The following GABBR2 variants were observed in gnomAD, a reference collection of about 807,000 sequenced individuals.
The protein encoded by GABBR2 is G-protein coupled receptor 51.
Under a neutral mutation model 105.6 loss-of-function variants are expected in GABBR2, and 23 were observed. The ratio of observed to expected loss-of-function variants is 0.22; its 90% CI spans 0.16 to 0.31. The LOEUF (loss-of-function observed/expected upper bound fraction) is 0.31. Among genes scored for constraint, GABBR2 ranks in the 10% least tolerant of loss-of-function variants. The probability of loss-of-function intolerance (pLI) is 1.00; values close to 1 mark genes in which losing one functional copy is unlikely to be tolerated. For synonymous variants in GABBR2, 478 were observed against 499.7 expected (o/e 0.96, Z 0.58); for missense variants, 734 against 1,245.5 (o/e 0.59, Z 6.18).
chr9:98,708,354 T>C (rs2131892730), intron 1 of GABBR2, 63 bp downstream of exon 1: 18 of 1,287,254 alleles, frequency 1.4e-5, no homozygotes, highest in Non-Finnish European at 1.8e-5. Context: ...AGGTTGCCTG[T>C]GTCCAAACCA....
chr9:98,672,194 TA>T (rs1564147558), intron 1 of GABBR2, among the ~76,000 whole-genome samples: 1 of 152,110 alleles, frequency 6.6e-6, no homozygotes, highest in African/African-American at 2.4e-5. Context: ...TTTACACCCT[TA>T]AAAAAACAAC....
chr9:98,510,302 G>A (rs956946757), intron 3 of GABBR2, among the ~76,000 whole-genome samples: 2 of 152,090 alleles, frequency 1.3e-5, no homozygotes, highest in Admixed American at 6.5e-5. Flanking sequence ...ACTGGTACCA[G>A]CCACTGCAAA....
intron 13 of GABBR2, among the ~76,000 whole-genome samples, chr9:98,322,432 CG>C (rs1484054696): frequency 6.6e-6 from 1 of 152,124 alleles, no homozygotes; most frequent in Non-Finnish European, 1.5e-5. Flanking sequence ...CTCTTGCCCT[CG>C]GTCAGGACCT....
At chr9:98,423,841 A>G (rs1832827234) in intron 7 of GABBR2, among the ~76,000 whole-genome samples, 1 of 152,178 alleles carries the variant, frequency 6.6e-6, no homozygotes, top group Admixed American at 6.6e-5. Context: ...CAGTTTTCCC[A>G]GCACCATTTA....
chr9:98,309,537 A>C (rs1830604648), intron 14 of GABBR2, among the ~76,000 whole-genome samples: 1 of 152,216 alleles, frequency 6.6e-6, no homozygotes, highest in African/African-American at 2.4e-5. Flanking sequence ...TGTTACAAGA[A>C]TCCATCTTTA....
intron 13 of GABBR2, among the ~76,000 whole-genome samples, chr9:98,323,650 C>T (rs1830865312): frequency 6.6e-6 from 1 of 152,230 alleles, no homozygotes. Context: ...GCTGGCATCC[C>T]TCCCACCCAG....
chr9:98,630,401 G>A (rs1829800464), intron 1 of GABBR2, among the ~76,000 whole-genome samples: 2 of 152,180 alleles, frequency 1.3e-5, no homozygotes, highest in South Asian at 4.1e-4. Context: ...GGTACTTAAT[G>A]TCATGATCTT....
chr9:98,371,350 G>T (rs1037411166), intron 12 of GABBR2, 114 bp downstream of exon 12: 1 of 655,818 alleles, frequency 1.5e-6, no homozygotes. Context: ...GGTAGGGATT[G>T]TGTTTAGCTT....
At chr9:98,698,233 C>T (rs1257778377) in intron 1 of GABBR2, among the ~76,000 whole-genome samples, 1 of 152,208 alleles carries the variant, frequency 6.6e-6, no homozygotes, top group Non-Finnish European at 1.5e-5. Flanking sequence ...GGGTCTGCTT[C>T]CGCCAGCAGC....
At chr9:98,605,337 G>T (rs1829400206) in intron 1 of GABBR2, among the ~76,000 whole-genome samples, 1 of 152,220 alleles carries the variant, frequency 6.6e-6, no homozygotes, top group African/African-American at 2.4e-5. Context: ...GGAGCAAGGT[G>T]GCCTTGGTAT....
chr9:98,331,682 C>T (rs531135785), intron 13 of GABBR2, among the ~76,000 whole-genome samples: 166 of 152,070 alleles, frequency 1.1e-3, no homozygotes, highest in Non-Finnish European at 1.9e-3. Context: ...CTATGGTGCA[C>T]CTGAGCTCCA....
At position 98,332,184 on chromosome 9, in the gene GABBR2, C is replaced by T. The variant is rs75502525; in HGVS notation, c.1894-20979G>A. Among the ~76,000 whole-genome samples the T allele has an allele frequency of 5.3e-3, 808 of 152,292 alleles. 11 individuals carry two copies. The highest frequency in any genetic ancestry group is 0.019 in the African/African-American group (770 of 41,544). On this transcript the variant is annotated intron_variant, in intron 13 of 18. Coordinates refer to ENST00000259455, the MANE Select transcript of GABBR2 (RefSeq NM_005458.8). ...GCTCCCCTGCAAAATGGAAACAGAA[C>T]ACTCTCTGCAGCAGAGTCTGCAGGA... is the stretch of plus-strand genomic sequence containing the variant.
chr9:98,606,495 T>TC (rs1829424368), intron 1 of GABBR2, among the ~76,000 whole-genome samples: 1 of 130,928 alleles, frequency 7.6e-6, no homozygotes, highest in South Asian at 2.8e-4. Context: ...TTTTTTTTTT[T>TC]TTTGAGATGG....
intron 1 of GABBR2, among the ~76,000 whole-genome samples, chr9:98,652,016 A>T (rs1830115131): frequency 6.6e-6 from 1 of 152,226 alleles, no homozygotes. Flanking sequence ...ATAGTCATAG[A>T]ACAAGACTGG....
chr9:98,539,394 AGAG>A (rs1828245372), intron 3 of GABBR2, among the ~76,000 whole-genome samples: 2 of 152,328 alleles, frequency 1.3e-5, no homozygotes, highest in South Asian at 4.2e-4. Flanking sequence ...CCAGGAAGCT[AGAG>A]AAGAAAAGAA....
intron 3 of GABBR2, among the ~76,000 whole-genome samples, chr9:98,501,695 A>T (rs972670717): frequency 2.0e-5 from 3 of 152,206 alleles, no homozygotes; most frequent in African/African-American, 7.2e-5. Context: ...TGGAGAGTGT[A>T]AAGGTCACAA....
At chr9:98,487,730 A>T (rs1827088412) in intron 4 of GABBR2, among the ~76,000 whole-genome samples, 1 of 152,054 alleles carries the variant, frequency 6.6e-6, no homozygotes, top group East Asian at 1.9e-4. Context: ...GTGAGCTGTG[A>T]TTACACCACT....
chr9:98,393,157 C>CCCATTCATCCATCCATCCAT (rs1832221407), intron 9 of GABBR2, among the ~76,000 whole-genome samples: 5 of 115,274 alleles, frequency 4.3e-5, no homozygotes, highest in Non-Finnish European at 8.7e-5. Context: ...CATCCACCAA[C>CCCATTCATCCATCCATCCAT]CCATCCATCC....
intron 1 of GABBR2, among the ~76,000 whole-genome samples, chr9:98,702,278 A>AC (rs1418897837): frequency 6.7e-6 from 1 of 149,664 alleles, no homozygotes; most frequent in Non-Finnish European, 1.5e-5. Flanking sequence ...CCAATGACAC[A>AC]CCCCCTCCCC....
Sources: allele counts gnomAD v4.1 joint callset (sites outside exome capture counted in the v4.1 genomes callset), GRCh38; gene constraint gnomAD v4.1.1; transcripts MANE v1.5; gene names NCBI Gene and HGNC (gene_info 2026-07-23, HGNC 2026-07-21).